CCDC93: variants seen among roughly 807,000 people sequenced by gnomAD.
The protein encoded by CCDC93 is CCC complex scaffolding subunit CCDC93.
In CCDC93, 61 loss-of-function variants were observed where a neutral mutation model predicts 108.2. That is an observed-to-expected ratio of 0.56 (90% CI 0.46 to 0.70). CCDC93 has a LOEUF of 0.70. Among genes scored for constraint, CCDC93 ranks in the 30% least tolerant of loss-of-function variants. The probability of loss-of-function intolerance (pLI) is 0.00; values close to 1 mark genes in which losing one functional copy is unlikely to be tolerated. For synonymous variants in CCDC93, 276 were observed against 260.4 expected (o/e 1.06, Z -0.58); for missense variants, 685 against 764.2 (o/e 0.90, Z 1.22).
chr2:117,989,180 T>C (rs1348259378), intron 6 of CCDC93, among the ~76,000 whole-genome samples: 8 of 152,216 alleles, frequency 5.3e-5, no homozygotes, highest in Non-Finnish European at 1.0e-4. Flanking sequence ...TGTTGGCATT[T>C]TCCAACCACG....
intron 23 of CCDC93, 116 bp from the exon 24 acceptor site, chr2:117,920,512 C>G (rs1677826661): frequency 1.7e-6 from 1 of 602,422 alleles, no homozygotes; most frequent in East Asian, 2.8e-5. Flanking sequence ...CTGGCCAACC[C>G]AGTCTCTTGG....
At chr2:117,953,623 T>A (rs1197054306) in intron 12 of CCDC93, among the ~76,000 whole-genome samples, 1 of 151,686 alleles carries the variant, frequency 6.6e-6, no homozygotes, top group African/African-American at 2.4e-5. Flanking sequence ...AGAGGTGGGG[T>A]CTTTGGGAAG....
intron 23 of CCDC93, among the ~76,000 whole-genome samples, chr2:117,923,182 G>C (rs1291843087): frequency 6.6e-6 from 1 of 152,198 alleles, no homozygotes; most frequent in Non-Finnish European, 1.5e-5. Flanking sequence ...ACAGCTCCCA[G>C]TGTAAGCGAG....
rs1373475525 is a variant in CCDC93 at position 117,985,974 on chromosome 2, A to G, written c.615T>C (p.Tyr205=). ...GACTGGGTCCCACTCATTACCTGCC[A>G]TATTCCAAAAGTGTAGCATGGATTC... is the stretch of plus-strand genomic sequence containing the variant. The part of the protein sequence containing the change: ...ESRIHATLLE[Y]GRRYGFSRQS... The change falls in exon 7 of 24, where the codon TAT becomes TAC. Residue 205 remains tyrosine (Y), a synonymous_variant. Transcript: ENST00000376300. 2 of 1,602,536 alleles carry G rather than the reference A, an allele frequency of 1.2e-6. No homozygotes were observed. Among genetic ancestry groups the G allele is most frequent in the Non-Finnish European group, 8.5e-7 (1 of 1,169,928 alleles).
chr2:117,949,345 C>T lies in CCDC93; in HGVS notation c.1119G>A (p.Lys373=). The T allele has an allele frequency of 6.2e-7, 1 of 1,613,786 alleles. No individual in the cohort carries two copies. Among genetic ancestry groups the T allele is most frequent in the Non-Finnish European group, 8.5e-7 (1 of 1,179,640 alleles). The change falls in exon 14 of 24, where the codon AAG becomes AAA. Residue 373 remains lysine, a synonymous_variant. Coordinates refer to ENST00000376300, the MANE Select transcript of CCDC93 (RefSeq NM_019044.5). ...ACCTTGGATCAGCTTTGGATTCTAT[C>T]TTCTCGAGGGCTGCTTGCTCTTTGT... ...KLDKEQAALE[K]IESKADPSIL... is the part of the protein sequence containing the mutation.
intron 23 of CCDC93, among the ~76,000 whole-genome samples, chr2:117,926,667 C>T (rs1411802964): frequency 6.6e-6 from 1 of 152,166 alleles, no homozygotes; most frequent in East Asian, 1.9e-4. Flanking sequence ...CAGATGGATT[C>T]ACAGCCAAAT....
Position 117,948,132 on chromosome 2 carries a change from T to C in CCDC93, c.1197A>G (p.Gln399=). 2 of 1,613,924 alleles carry C rather than the reference T, an allele frequency of 1.2e-6. No individual in the cohort carries two copies. The change falls in exon 15 of 24, where the codon CAA becomes CAG. Residue 399 remains glutamine, a synonymous_variant. Coordinates refer to ENST00000376300, the MANE Select transcript of CCDC93 (RefSeq NM_019044.5). ...LVAMNENLKS[Q]EQEFKAHCRE... ...GACAATGTGCTTTAAATTCCTGTTC[T>C]TGACTTTTCAGATTTTCATTCATGG...
chr2:117,998,697 A>G (rs1680743948), intron 4 of CCDC93: 1 of 152,226 alleles, frequency 6.6e-6, no homozygotes, highest in Admixed American at 6.5e-5. Flanking sequence ...TTCTTCTCAC[A>G]ACCTGACTAG....
At chr2:117,976,565 T>G (rs1679950490) in intron 8 of CCDC93, among the ~76,000 whole-genome samples, 2 of 152,212 alleles carry the variant, frequency 1.3e-5, no homozygotes, top group African/African-American at 4.8e-5. Flanking sequence ...TTATTAAATG[T>G]TTACTATGTG....
chr2:117,923,222 A>T (rs1267386092), intron 23 of CCDC93, among the ~76,000 whole-genome samples: 2 of 152,124 alleles, frequency 1.3e-5, no homozygotes, highest in East Asian at 3.9e-4. Flanking sequence ...TGCATTTCCA[A>T]CTGAGGTACC....
At chr2:117,939,531 A>C (rs1346061054) in intron 19 of CCDC93, among the ~76,000 whole-genome samples, 1 of 152,242 alleles carries the variant, frequency 6.6e-6, no homozygotes, top group Admixed American at 6.5e-5. Flanking sequence ...TGTTCTGTGA[A>C]ATAAATAGAT....
At position 117,949,937 on chromosome 2, in the gene CCDC93, G is replaced by A. The variant is rs143421154; in HGVS notation, c.1069-542C>T. On this transcript the variant is annotated intron_variant, in intron 13 of 23. Coordinates refer to ENST00000376300, the MANE Select transcript of CCDC93 (RefSeq NM_019044.5). ...AGGAAGGACTGGTGTGCAGTGTTGG[G>A]GATCTGCATTAGGAATAGCCACATA... 5.3e-4 allele frequency: 527 copies of A among 985,338 alleles called. No individual in the cohort carries two copies. In the African/African-American group the frequency reaches 8.6e-3, roughly 16 times the overall value. 61.0% of individuals were successfully genotyped at this position (985,338 alleles called of 1,614,324 possible).
intron 12 of CCDC93, among the ~76,000 whole-genome samples, chr2:117,957,223 A>G (rs539532031): frequency 6.6e-6 from 1 of 152,234 alleles, no homozygotes; most frequent in South Asian, 2.1e-4. Flanking sequence ...TTCTACGTGT[A>G]TTCTTCTAAT....
intron 12 of CCDC93, among the ~76,000 whole-genome samples, chr2:117,957,137 C>G (rs1159551986): frequency 6.6e-6 from 1 of 152,152 alleles, no homozygotes; most frequent in Non-Finnish European, 1.5e-5. Context: ...TGATCTGCCC[C>G]TCCTCAGCCT....
intron 23 of CCDC93, among the ~76,000 whole-genome samples, chr2:117,926,223 G>T (rs1455899456): frequency 1.3e-5 from 2 of 152,114 alleles, no homozygotes; most frequent in African/African-American, 4.8e-5. Flanking sequence ...AGAAGCAAGA[G>T]CAAACACATT....
rs763304100 is a variant in CCDC93, at chr2:117,986,160, CTTTTTTTTTT to C, written c.520-101_520-92del. 1.1e-3 allele frequency: 316 copies of C among 276,592 alleles called. 5 individuals are homozygous for C. The highest frequency in any genetic ancestry group is 1.3e-3 in the Non-Finnish European group (202 of 156,530). The allele number at this position is 276,592 out of a possible 1,614,324, so 17.1% of individuals were successfully genotyped here. A position where few individuals can be genotyped will look rare whatever the true frequency, so the allele number is the denominator to read the frequency against. On this transcript the variant is annotated intron_variant, in intron 6 of 23. Coordinates refer to ENST00000376300, the MANE Select transcript of CCDC93 (RefSeq NM_019044.5). ...TGCCTCCAGCCATGGGGTATATTCT[CTTTTTTTTTT>C]TTTTTTTTTTTTGAGACAGAGTCTC... is the stretch of plus-strand genomic sequence containing the variant.
At chr2:117,969,710 C>T (rs1209635375) in intron 11 of CCDC93, among the ~76,000 whole-genome samples, 6 of 152,108 alleles carry the variant, frequency 3.9e-5, no homozygotes, top group Admixed American at 2.6e-4. Context: ...TGAGTATGTC[C>T]GAACATGGAC....
At chr2:117,972,901 C>T (rs1006809558) in intron 11 of CCDC93, among the ~76,000 whole-genome samples, 5 of 152,092 alleles carry the variant, frequency 3.3e-5, no homozygotes, top group African/African-American at 1.2e-4. Context: ...ACTAGAAAGC[C>T]CATGTTAAGA....
chr2:117,923,655 G>GGCCTGCCTGCCT (rs756961154), intron 23 of CCDC93, among the ~76,000 whole-genome samples: 2 of 132,322 alleles, frequency 1.5e-5, no homozygotes, highest in East Asian at 2.0e-4. Context: ...AGCACAAGGA[G>GGCCTGCCTGCCT]GCCTGCCTGC....
Sources: gnomAD v4.1 joint callset for allele counts (sites outside exome capture counted in the v4.1 genomes callset) on GRCh38, gnomAD v4.1.1 for gene constraint, MANE v1.5 for transcripts, NCBI Gene and HGNC (gene_info 2026-07-23, HGNC 2026-07-21) for gene names.